The following DGKI variants were observed in gnomAD, a reference collection of about 807,000 sequenced individuals.
DGKI encodes DAG kinase iota.
Under a neutral mutation model 147.5 loss-of-function variants are expected in DGKI, and 55 were observed. The ratio of observed to expected loss-of-function variants is 0.37; its 90% CI spans 0.30 to 0.47. The LOEUF (loss-of-function observed/expected upper bound fraction) is 0.47. Among genes scored for constraint, DGKI ranks in the 20% least tolerant of loss-of-function variants. DGKI has a pLI of 1.00. For synonymous variants in DGKI, 469 were observed against 477.1 expected (o/e 0.98, Z 0.22); for missense variants, 1,007 against 1,323.8 (o/e 0.76, Z 3.71).
chr7:137,407,924 G>A lies in DGKI; in HGVS notation c.2871C>T (p.Tyr957=), dbSNP rs76989323. The part of the protein sequence containing the change: ...QGPDHCSLLH[Y]AAKTGNGEIV... ...TCTCCCCGTTGCCGGTTTTAGCTGC[G>A]TAGTGAAGGAGTGAACAGTGGTCTG... Residue 957 remains tyrosine (Y), a synonymous_variant, in exon 30 of 33, where the codon TAC becomes TAT. Transcript: ENST00000614521. The A allele has an allele frequency of 2.9e-4, 465 of 1,614,100 alleles. No homozygotes were observed. The highest frequency in any genetic ancestry group is 9.9e-4 in the Middle Eastern group (6 of 6,062).
chr7:137,679,080 G>A (rs534123003), intron 2 of DGKI, among the ~76,000 whole-genome samples: 1 of 152,318 alleles, frequency 6.6e-6, no homozygotes, highest in East Asian at 1.9e-4. Context: ...GAGGATGGTA[G>A]CATTAAAGTA....
intron 3 of DGKI, among the ~76,000 whole-genome samples, chr7:137,677,149 A>G (rs760005259): frequency 9.9e-5 from 15 of 152,222 alleles, no homozygotes; most frequent in Non-Finnish European, 1.5e-4. Flanking sequence ...ATGCAATTAT[A>G]CTTTAATTAA....
At position 137,689,882 on chromosome 7, in the gene DGKI, GC is replaced by G; in HGVS notation, c.510+11del. ...ACTGAAGTGATGTTTAAATGAAAAG[GC>G]CAACACCTACACTCCAGTCCAAAGT... On this transcript the variant is annotated intron_variant, in intron 2 of 32. Transcript: ENST00000614521. 6.6e-7 allele frequency: 1 copy of G among 1,518,522 alleles called. No homozygotes were observed. Among genetic ancestry groups the G allele is most frequent in the Non-Finnish European group, 8.9e-7 (1 of 1,129,462 alleles). 94.1% of individuals were successfully genotyped at this position (1,518,522 alleles called of 1,614,324 possible).
intron 1 of DGKI, among the ~76,000 whole-genome samples, chr7:137,838,793 T>C (rs1237387930): frequency 6.6e-6 from 1 of 152,220 alleles, no homozygotes; most frequent in Non-Finnish European, 1.5e-5. Context: ...TATTCTGCTG[T>C]TTGGCCTGGT....
chr7:137,753,120 C>T (rs1795561081), intron 1 of DGKI, among the ~76,000 whole-genome samples: 1 of 152,154 alleles, frequency 6.6e-6, no homozygotes, highest in Admixed American at 6.5e-5. Context: ...GGATAATCAT[C>T]TCAACTTCTC....
intron 27 of DGKI, among the ~76,000 whole-genome samples, chr7:137,460,373 A>G (rs1814389478): frequency 6.6e-6 from 1 of 152,236 alleles, no homozygotes. Flanking sequence ...TAGCATATGT[A>G]TGATGCAATA....
intron 24 of DGKI, 84 bp from the exon 25 acceptor site, chr7:137,467,026 T>G (rs1814687802): frequency 7.5e-7 from 1 of 1,328,740 alleles, no homozygotes; most frequent in African/African-American, 1.5e-5. Flanking sequence ...ACTATGCTGG[T>G]CAAAACCCCT....
At chr7:137,690,134 A>T (rs546357234) in intron 1 of DGKI, 132 bp from the exon 2 acceptor site, 1 of 615,322 alleles carries the variant, frequency 1.6e-6, no homozygotes, top group East Asian at 3.0e-5. Flanking sequence ...AATCTTTACC[A>T]AAGTATTGGA....
chr7:137,832,771 C>T (rs141494683), intron 1 of DGKI, among the ~76,000 whole-genome samples: 3,032 of 152,306 alleles, frequency 0.02, 104 homozygotes, highest in African/African-American at 0.07. Flanking sequence ...CGTCAGGCTG[C>T]AAATTTTCTG....
intron 19 of DGKI, among the ~76,000 whole-genome samples, chr7:137,556,099 T>C (rs188430321): frequency 6.6e-6 from 1 of 152,134 alleles, no homozygotes; most frequent in East Asian, 1.9e-4. Flanking sequence ...TTTCAGTACA[T>C]TAATTATTTA....
At chr7:137,658,989 A>G (rs1015391467) in intron 3 of DGKI, among the ~76,000 whole-genome samples, 1 of 152,250 alleles carries the variant, frequency 6.6e-6, no homozygotes, top group Non-Finnish European at 1.5e-5. Flanking sequence ...TCCTCTTAAA[A>G]TATATTATGA....
chr7:137,461,014 C>A (rs1327693954), intron 27 of DGKI, among the ~76,000 whole-genome samples: 1 of 152,266 alleles, frequency 6.6e-6, no homozygotes, highest in East Asian at 1.9e-4. Context: ...AAAATTAATT[C>A]TCAGCCATAT....
rs1300827348 is a variant in DGKI, at chr7:137,469,554, T to C, written c.2439A>G (p.Leu813=). The C allele has an allele frequency of 1.2e-6, 2 of 1,613,656 alleles. No individual in the cohort carries two copies. The highest frequency in any genetic ancestry group is 2.2e-5 in the East Asian group (1 of 44,878). The part of the protein sequence containing the change: ...AQRLSPRWCF[L]DATSADRFYR... ...CGCAAGAAAGGCAGAACTCACCATC[T>C]AGGAAGCACCACCGAGGAGAGAGCC... Residue 813 remains leucine, a synonymous_variant, in exon 24 of 33, where the codon CTA becomes CTG. Transcript: ENST00000614521.
At chr7:137,822,346 G>A (rs1318372025) in intron 1 of DGKI, among the ~76,000 whole-genome samples, 1 of 152,144 alleles carries the variant, frequency 6.6e-6, no homozygotes, top group African/African-American at 2.4e-5. Flanking sequence ...GGTGAAGGTT[G>A]CAGTGAGCCG....
intron 1 of DGKI, among the ~76,000 whole-genome samples, chr7:137,833,729 G>A (rs747943892): frequency 1.3e-5 from 2 of 152,160 alleles, no homozygotes; most frequent in Admixed American, 6.5e-5. Context: ...CCAAGCTCAA[G>A]TCATACACTT....
chr7:137,427,566 G>A (rs1394280079), intron 28 of DGKI, among the ~76,000 whole-genome samples: 6 of 152,154 alleles, frequency 3.9e-5, no homozygotes, highest in Non-Finnish European at 7.3e-5. Context: ...AGAACTGAAG[G>A]AAATAGTGAC....
chr7:137,723,394 G>A (rs1484397510), intron 1 of DGKI, among the ~76,000 whole-genome samples: 1 of 152,154 alleles, frequency 6.6e-6, no homozygotes, highest in Non-Finnish European at 1.5e-5. Flanking sequence ...TGTTTCCAAG[G>A]CTGTCAAAAT....
intron 28 of DGKI, among the ~76,000 whole-genome samples, chr7:137,421,887 G>A (rs1433672038): frequency 6.6e-6 from 1 of 152,172 alleles, no homozygotes; most frequent in Non-Finnish European, 1.5e-5. Context: ...AATCTGGATT[G>A]AGGAAGACAT....
intron 24 of DGKI, among the ~76,000 whole-genome samples, chr7:137,467,442 T>C (rs890685969): frequency 6.6e-6 from 1 of 152,208 alleles, no homozygotes; most frequent in Non-Finnish European, 1.5e-5. Flanking sequence ...TAAATAAAGC[T>C]AGAAAAAGCT....
Sources: allele counts gnomAD v4.1 joint callset (sites outside exome capture counted in the v4.1 genomes callset), GRCh38; gene constraint gnomAD v4.1.1; transcripts MANE v1.5; gene names NCBI Gene and HGNC (gene_info 2026-07-23, HGNC 2026-07-21).